FAT1: variants seen among roughly 807,000 people sequenced by gnomAD.
FAT1 encodes the protein protocadherin Fat 1.
A neutral mutation model predicts 329.8 loss-of-function variants in FAT1; 171 were observed. The ratio of observed to expected loss-of-function variants is 0.52; its 90% confidence interval spans 0.46 to 0.59. The LOEUF (loss-of-function observed/expected upper bound fraction) is 0.59. Ranked by LOEUF, FAT1 falls within the 20% of genes least tolerant of loss-of-function variation. The pLI, the probability that FAT1 is intolerant of heterozygous loss-of-function variation, is 0.00. For synonymous variants in FAT1, 2,233 were observed against 2,228.6 expected, an observed-to-expected ratio of 1.00 and a Z score of -0.06; for missense variants, 5,672 against 5,774.4, an observed-to-expected ratio of 0.98 and a Z score of 0.57.
chr4:186,707,322 CCTT>C lies in FAT1; in HGVS notation c.2503_2505del (p.Lys835del), dbSNP rs746259682. On this transcript the variant is annotated inframe_deletion, in exon 2 of 27. Transcript: ENST00000441802. ...ACCTGGATGATTTCACTATGTACCT[CCTT>C]GTCTTCACTCACTTCCACAAAATAG... 8.1e-6 allele frequency: 13 copies of C among 1,613,872 alleles called. No homozygotes were observed. Among genetic ancestry groups the C allele is most frequent in the East Asian group, 4.5e-5 (2 of 44,898 alleles).
intron 2 of FAT1, among the ~76,000 whole-genome samples, chr4:186,681,637 G>A (rs901471727): frequency 6.6e-6 from 1 of 152,228 alleles, no homozygotes; most frequent in Admixed American, 6.5e-5. Context: ...CCACAGCAAC[G>A]TTGTTCACTG....
intron 2 of FAT1, among the ~76,000 whole-genome samples, chr4:186,675,839 AG>A (rs1036230878): frequency 2.0e-5 from 3 of 151,724 alleles, no homozygotes; most frequent in African/African-American, 7.3e-5. Context: ...AATTTTTAAA[AG>A]CTGTACCTTA....
At chr4:186,627,673 C>T (rs752981203) in intron 9 of FAT1, among the ~76,000 whole-genome samples, 11 of 152,120 alleles carry the variant, frequency 7.2e-5, no homozygotes, top group Non-Finnish European at 1.2e-4. Flanking sequence ...GGGAGGGGCA[C>T]GACACCTCTT....
intron 2 of FAT1, among the ~76,000 whole-genome samples, chr4:186,670,950 T>C (rs1436326895): frequency 2.0e-5 from 3 of 152,284 alleles, no homozygotes; most frequent in East Asian, 1.9e-4. Flanking sequence ...GATTCTTTAA[T>C]TGTAACATCT....
At chr4:186,630,798 G>A (rs1367899353) in intron 7 of FAT1, among the ~76,000 whole-genome samples, 6 of 152,120 alleles carry the variant, frequency 3.9e-5, no homozygotes, top group African/African-American at 9.7e-5. Flanking sequence ...AGGTGGAGCC[G>A]GGATTCAAAC....
intron 2 of FAT1, among the ~76,000 whole-genome samples, chr4:186,670,467 A>G (rs1742678381): frequency 6.6e-6 from 1 of 152,214 alleles, no homozygotes; most frequent in Non-Finnish European, 1.5e-5. Flanking sequence ...GCATTTTCCC[A>G]AATATGAAAA....
intron 2 of FAT1, among the ~76,000 whole-genome samples, chr4:186,703,018 G>A (rs771594800): frequency 4.6e-5 from 7 of 152,122 alleles, no homozygotes; most frequent in South Asian, 2.1e-4. Flanking sequence ...GCTCTCTAAC[G>A]AGACCGACTT....
chr4:186,646,835 C>T (rs1280476623), intron 3 of FAT1, among the ~76,000 whole-genome samples: 1 of 152,058 alleles, frequency 6.6e-6, no homozygotes, highest in Admixed American at 6.5e-5. Flanking sequence ...GCTCAGCGGG[C>T]GACGAAGAGG....
intron 2 of FAT1, among the ~76,000 whole-genome samples, chr4:186,694,407 C>A (rs1246144331): frequency 6.6e-6 from 1 of 152,122 alleles, no homozygotes; most frequent in Non-Finnish European, 1.5e-5. Context: ...TGATAATTTT[C>A]TATTTATATG....
intron 2 of FAT1, among the ~76,000 whole-genome samples, chr4:186,705,106 ATTTT>A (rs761512523): frequency 1.7e-5 from 2 of 120,184 alleles, no homozygotes; most frequent in Non-Finnish European, 1.7e-5. Flanking sequence ...CCACCCCAGC[ATTTT>A]TTTTTTTTTT....
chr4:186,676,460 T>C (rs1408596317), intron 2 of FAT1, among the ~76,000 whole-genome samples: 1 of 152,324 alleles, frequency 6.6e-6, no homozygotes, highest in Non-Finnish European at 1.5e-5. Context: ...CTGAAGCATA[T>C]AAGGAGAACT....
chr4:186,649,920 G>A (rs1480390855), intron 3 of FAT1, among the ~76,000 whole-genome samples: 7 of 152,166 alleles, frequency 4.6e-5, no homozygotes, highest in African/African-American at 1.4e-4. Context: ...GCAAATGAAA[G>A]TACTGAAAAA....
At chr4:186,709,884 T>C (rs1744874305) in intron 1 of FAT1, 39 bp from the exon 2 acceptor site, 4 of 1,504,774 alleles carry the variant, frequency 2.7e-6, no homozygotes, top group Admixed American at 2.1e-5. Flanking sequence ...CTTGGGGAAA[T>C]AAAACAAGCA....
intron 3 of FAT1, among the ~76,000 whole-genome samples, chr4:186,646,005 A>ACAC: frequency 8.0e-6 from 1 of 125,260 alleles, no homozygotes; most frequent in South Asian, 2.3e-4. Context: ...ACACACACAC[A>ACAC]TGAAAGATGG....
chr4:186,726,689 G>C (rs1015440652), upstream of FAT1: 3 of 152,180 alleles, frequency 2.0e-5, no homozygotes, highest in East Asian at 5.8e-4. Flanking sequence ...CGGCTGCGGC[G>C]ACTCGCTGCC....
In FAT1 at chr4:186,619,747, G is replaced by A. The variant is rs748117450; in HGVS notation, c.6839C>T (p.Pro2280Leu). The change falls in exon 10 of 27, where the codon CCT (proline) becomes CTT (leucine). Residue 2280 changes from proline to leucine, a missense_variant. This residue lies in a region of FAT1 where 3,966 missense variants were observed against 3,915.2 expected (regional missense o/e 1.01). Coordinates refer to ENST00000441802, the MANE Select transcript of FAT1 (RefSeq NM_005245.4). Reference sequence around the variant, plus strand: ...ATAAGACTGCTGAGCAAACACAGGAGGGTTATCATTGATGTCGTCTACTAT... The same window carrying A: ...ATAAGACTGCTGAGCAAACACAGGAAGGTTATCATTGATGTCGTCTACTAT... ...DIIVDDINDN[P>L]PVFAQQSYAV... 3.7e-6 allele frequency: 6 copies of A among 1,613,960 alleles called. No homozygotes were observed. The highest frequency in any genetic ancestry group is 5.1e-6 in the Non-Finnish European group (6 of 1,179,878).
At chr4:186,665,015 T>C (rs978899210) in intron 2 of FAT1, among the ~76,000 whole-genome samples, 1 of 152,234 alleles carries the variant, frequency 6.6e-6, no homozygotes, top group African/African-American at 2.4e-5. Context: ...AACTCATTTT[T>C]TGAATGAATG....
chr4:186,600,004 G>A lies in FAT1; in HGVS notation c.11997C>T (p.Ile3999=), dbSNP rs188825200. The change falls in exon 22 of 27, where the codon ATC becomes ATT. Residue 3999 remains isoleucine, a synonymous_variant. Coordinates refer to ENST00000441802, the MANE Select transcript of FAT1 (RefSeq NM_005245.4). ...CTGGAGATACATCCACCGACTCTTC[G>A]ATGTGTGCATAGCTTCTGGGTTTGC... The part of the protein sequence containing the change: ...LNSKPRSYAH[I]EESVDVSPGC... 1.3e-4 allele frequency: 212 copies of A among 1,613,952 alleles called. 1 individual carries two copies. The East Asian group carries it at 3.5e-3, about 27-fold the overall frequency.
At chr4:186,657,153 G>A (rs1012880591) in intron 3 of FAT1, among the ~76,000 whole-genome samples, 9 of 152,148 alleles carry the variant, frequency 5.9e-5, no homozygotes, top group African/African-American at 2.2e-4. Context: ...AAGAGAAATG[G>A]AAGTATGTGT....
Sources: allele counts gnomAD v4.1 joint callset (sites outside exome capture counted in the v4.1 genomes callset), GRCh38; gene constraint gnomAD v4.1.1; regional missense constraint gnomAD v4.1.1; transcripts MANE v1.5; gene names NCBI Gene and HGNC (gene_info 2026-07-23, HGNC 2026-07-21).